The following ERI1 variants were observed in gnomAD, a reference collection of about 807,000 sequenced individuals.
ERI1 encodes the protein exoribonuclease 1.
Under a neutral mutation model 39.7 loss-of-function variants are expected in ERI1, and 39 were observed. The ratio of observed to expected loss-of-function variants is 0.98; its 90% CI spans 0.76 to 1.28. The LOEUF (loss-of-function observed/expected upper bound fraction) is 1.28, where lower values mean the gene tolerates loss of function less well. ERI1 is among the 50% of genes most tolerant of loss of function. ERI1 has a pLI of 0.00. For missense variants in ERI1, 581 were observed against 416.9 expected (o/e 1.39, Z -3.43); for synonymous variants, 204 against 149.6 (o/e 1.36, Z -2.65).
At chr8:9,053,089 A>C (rs1349474175) in intron 3 of ERI1, among the ~76,000 whole-genome samples, 1 of 152,112 alleles carries the variant, frequency 6.6e-6, no homozygotes, top group East Asian at 1.9e-4. Flanking sequence ...CAATCTCAGC[A>C]GACTGCAACC....
intron 3 of ERI1, among the ~76,000 whole-genome samples, chr8:9,056,845 G>T (rs1798524218): frequency 6.6e-6 from 1 of 152,138 alleles, no homozygotes; most frequent in African/African-American, 2.4e-5. Context: ...GTAATTGTCT[G>T]TTTTTTGAGA....
Position 9,022,908 on chromosome 8 carries a change from T to C in ERI1, c.807+2444T>C, listed in dbSNP as rs182940720. On this transcript the variant is annotated intron_variant, in intron 6 of 6. Coordinates refer to ENST00000250263, the MANE Select transcript of ERI1 (RefSeq NM_153332.4). ...TTTGAGGCAGAAGTCAGACATTATG[T>C]TATCTGATCTGTAAAAATTTCATTA... is the stretch of plus-strand genomic sequence containing the variant. 5.2e-4 allele frequency among the ~76,000 whole-genome samples: 79 copies of C among 152,340 alleles called. 1 individual carries two copies. The highest frequency in any genetic ancestry group is 3.4e-3 in the Middle Eastern group (1 of 294).
chr8:9,084,768 A>G (rs17155189), intron 3 of ERI1, among the ~76,000 whole-genome samples: 2,319 of 152,306 alleles, frequency 0.015, 51 homozygotes, highest in African/African-American at 0.051. Context: ...CACACTAGCT[A>G]GAGAGATTCC....
At chr8:9,018,242 G>C (rs1183654866) in intron 4 of ERI1, 55 bp from the exon 5 acceptor site, 8 of 974,670 alleles carry the variant, frequency 8.2e-6, no homozygotes, top group East Asian at 2.4e-5. Flanking sequence ...GTATTTTGTA[G>C]GTCTACGTGA....
At chr8:9,021,190 C>T (rs565385053) in intron 6 of ERI1, among the ~76,000 whole-genome samples, 4 of 152,102 alleles carry the variant, frequency 2.6e-5, no homozygotes, top group African/African-American at 7.2e-5. Flanking sequence ...TTTACTTCCG[C>T]GGTTGTTTAC....
chr8:9,058,836 C>A (rs2921377), intron 3 of ERI1, among the ~76,000 whole-genome samples: 57,272 of 149,208 alleles, frequency 0.38, 12,419 homozygotes, highest in East Asian at 0.64. Context: ...ACAGCAACTT[C>A]ATTGATAAAT....
In ERI1 at chr8:9,003,169, G is replaced by C; in HGVS notation, c.106G>C (p.Glu36Gln). The change falls in exon 1 of 7, where the codon GAG (glutamate) becomes CAG (glutamine). Residue 36 changes from glutamate (E) to glutamine (Q), a missense_variant and splice_region_variant. By Grantham distance (29) the Glu-to-Gln change is conservative. Transcript: ENST00000250263. ...GGEEPPRPSP[E>Q]ETQQCKFDGQ... Reference sequence around the variant, plus strand: ...GGAGGAGCCGCCGCGTCCCAGTCCCGAGGTGAGGAGTCGACCCGCGCCTGG... The same window carrying C: ...GGAGGAGCCGCCGCGTCCCAGTCCCCAGGTGAGGAGTCGACCCGCGCCTGG... The C allele has an allele frequency of 6.4e-6, 8 of 1,242,296 alleles. No individual in the cohort carries two copies. The highest frequency in any genetic ancestry group is 7.1e-6 in the Non-Finnish European group (7 of 991,216). The allele number at this position is 1,242,296 out of a possible 1,614,324, so 77.0% of individuals were successfully genotyped here. A position where few individuals can be genotyped will look rare whatever the true frequency, so the allele number is the denominator to read the frequency against.
At chr8:9,036,496 T>C (rs910227103), downstream of ERI1, among the ~76,000 whole-genome samples, 2 of 152,252 alleles carry the variant, frequency 1.3e-5, no homozygotes, top group Admixed American at 1.3e-4. Context: ...ATGTATTTTT[T>C]AGACATAATG....
chr8:9,083,649 CG>C (rs377111486), intron 3 of ERI1, among the ~76,000 whole-genome samples: 5 of 144,458 alleles, frequency 3.5e-5, no homozygotes, highest in Non-Finnish European at 6.1e-5. Context: ...AAAAAAAAAG[CG>C]GGGGGGAAGA....
chr8:9,008,085 G>A lies in ERI1; in HGVS notation c.224G>A (p.Cys75Tyr). 1 of 1,612,606 alleles carries A rather than the reference G, an allele frequency of 6.2e-7. No homozygotes were observed. The highest frequency in any genetic ancestry group is 8.5e-7 in the Non-Finnish European group (1 of 1,179,370). ...VYKEIAITNG[C>Y]INRMSKEELR... ...AAAGAGATTGCCATTACGAATGGCT[G>A]TATTAATAGAATGAGTAAGGAAGAA... is the stretch of plus-strand genomic sequence containing the variant. The change falls in exon 2 of 7, where the codon TGT becomes TAT. Residue 75 changes from cysteine (C) to tyrosine (Y), a missense_variant. Cys to Tyr is a radical substitution (Grantham distance 194). Transcript: ENST00000250263.
At chr8:9,006,991 G>T (rs1563306821) in intron 1 of ERI1, among the ~76,000 whole-genome samples, 2 of 152,120 alleles carry the variant, frequency 1.3e-5, no homozygotes, top group East Asian at 3.8e-4. Context: ...TATAACTAAG[G>T]TAACAAGCTT....
At chr8:9,082,057 T>C (rs1050741446) in intron 3 of ERI1, among the ~76,000 whole-genome samples, 4 of 152,140 alleles carry the variant, frequency 2.6e-5, no homozygotes, top group African/African-American at 9.7e-5. Flanking sequence ...GAACTCTTAA[T>C]ATTTGTTTAA....
At chr8:9,028,855 C>T (rs1797379465) in intron 6 of ERI1, among the ~76,000 whole-genome samples, 1 of 152,000 alleles carries the variant, frequency 6.6e-6, no homozygotes, top group Admixed American at 6.6e-5. Flanking sequence ...AACTCCTGAC[C>T]TCAGGTGATC....
chr8:9,070,190 G>A lies in ERI1; in HGVS notation n.300-46158G>A, dbSNP rs76111352. 6.2e-3 allele frequency among the ~76,000 whole-genome samples: 944 copies of A among 151,756 alleles called. 18 individuals are homozygous for A. Among genetic ancestry groups the A allele is most frequent in the Admixed American group, 0.026 (402 of 15,242 alleles). On this transcript the variant is annotated intron_variant and non_coding_transcript_variant, in intron 3 of 3. Transcript: ENST00000518663. Reference sequence around the variant, plus strand: ...GGAGGCAGAGGTTGCAGTGAGCTGAGATTGCACCACTGCACTCCAACCTGG... The same window carrying A: ...GGAGGCAGAGGTTGCAGTGAGCTGAAATTGCACCACTGCACTCCAACCTGG...
chr8:9,016,263 C>A (rs1360301708), intron 3 of ERI1, 59 bp from the exon 4 acceptor site: 1 of 1,047,330 alleles, frequency 9.5e-7, no homozygotes, highest in Non-Finnish European at 1.4e-6. Context: ...CGTCGTGTAT[C>A]ATGTATCGTG....
At chr8:9,009,062 G>A (rs921866038) in intron 2 of ERI1, 15 of 456,072 alleles carry the variant, frequency 3.3e-5, no homozygotes, top group African/African-American at 2.6e-4. Flanking sequence ...AAGATTTTCC[G>A]AGCAAAATTT....
At chr8:9,023,685 A>G (rs1344088993) in intron 6 of ERI1, among the ~76,000 whole-genome samples, 1 of 133,592 alleles carries the variant, frequency 7.5e-6, no homozygotes, top group Non-Finnish European at 1.6e-5. Flanking sequence ...TTTGTACCTT[A>G]TCTAAGACCT....
At chr8:9,051,130 G>A (rs1284388393) in intron 3 of ERI1, among the ~76,000 whole-genome samples, 19 of 151,444 alleles carry the variant, frequency 1.3e-4, no homozygotes, top group Admixed American at 1.3e-3. Context: ...TTTCCCATAG[G>A]GAATTGGAGG....
rs368748744 is a variant in ERI1, at chr8:9,011,526, T to G, written c.288-16T>G. 121 of 1,540,948 alleles carry G rather than the reference T, an allele frequency of 7.9e-5. No homozygotes were observed. The highest frequency in any genetic ancestry group is 4.5e-4 in the African/African-American group (33 of 72,658). On this transcript the variant is annotated splice_polypyrimidine_tract_variant and intron_variant, in intron 2 of 6. Transcript: ENST00000250263. Reference sequence around the variant, plus strand: ...AGAATTTACCTAAGTGTAACTAGTCTTCTTCTTCTACTTAGAGGAGTAAAG... The same window carrying G: ...AGAATTTACCTAAGTGTAACTAGTCGTCTTCTTCTACTTAGAGGAGTAAAG...
Sources: allele counts gnomAD v4.1 joint callset (sites outside exome capture counted in the v4.1 genomes callset), GRCh38; gene constraint gnomAD v4.1.1; transcripts MANE v1.5; gene names NCBI Gene and HGNC (gene_info 2026-07-23, HGNC 2026-07-21).